The following CHRM3 variants were observed in gnomAD, a reference collection of about 807,000 sequenced individuals.
CHRM3 encodes cholinergic receptor muscarinic 3, also known as muscarinic acetylcholine receptor M3.
A neutral mutation model predicts 41.8 loss-of-function variants in CHRM3; 11 were observed. The ratio of observed to expected loss-of-function variants is 0.26; its 90% CI spans 0.17 to 0.44. The LOEUF (loss-of-function observed/expected upper bound fraction) is 0.44, where lower values mean the gene tolerates loss of function less well. Among genes scored for constraint, CHRM3 ranks in the 20% least tolerant of loss-of-function variants. CHRM3 has a pLI of 1.00. For synonymous variants in CHRM3, 297 were observed against 301.4 expected (o/e 0.99, Z 0.15); for missense variants, 571 against 745.4 (o/e 0.77, Z 2.72).
intron 1 of CHRM3, among the ~76,000 whole-genome samples, chr1:239,461,761 C>T (rs61834720): frequency 0.042 from 6,315 of 152,018 alleles, 208 homozygotes; most frequent in African/African-American, 0.089. Context: ...TCTACCTGTT[C>T]CTCACCACCG....
chr1:239,490,658 C>T (rs1161652738), intron 1 of CHRM3, among the ~76,000 whole-genome samples: 2 of 152,096 alleles, frequency 1.3e-5, no homozygotes, highest in African/African-American at 4.8e-5. Context: ...AACTACTGGC[C>T]TCAAGCAATC....
rs200818108 is a variant in CHRM3 at position 239,438,564 on chromosome 1, T to A, written c.-521+51337T>A. 2.2e-4 allele frequency among the ~76,000 whole-genome samples: 34 copies of A among 152,334 alleles called. No individual in the cohort carries two copies. The East Asian group carries it at 6.2e-3, about 28-fold the overall frequency. ...CGTATGATCTCCTTCTTGTAGATTA[T>A]CCTCATGATATGGAGCATAGTGAAT... On this transcript the variant is annotated intron_variant, in intron 1 of 6. Coordinates refer to ENST00000676153, the MANE Select transcript of CHRM3 (RefSeq NM_001375978.1).
chr1:239,698,147 A>G (rs1003212739), intron 5 of CHRM3, among the ~76,000 whole-genome samples: 1 of 152,212 alleles, frequency 6.6e-6, no homozygotes, highest in African/African-American at 2.4e-5. Context: ...AAAAACAGGC[A>G]TTAAAAGGTA....
chr1:239,640,868 T>C (rs1425734455), intron 4 of CHRM3, among the ~76,000 whole-genome samples: 1 of 148,438 alleles, frequency 6.7e-6, no homozygotes, highest in Non-Finnish European at 1.5e-5. Flanking sequence ...AGGGTGTCAA[T>C]TTTGGATCTT....
intron 3 of CHRM3, among the ~76,000 whole-genome samples, chr1:239,569,763 T>C (rs1337244429): frequency 6.6e-6 from 1 of 152,192 alleles, no homozygotes; most frequent in Non-Finnish European, 1.5e-5. Context: ...ATGGCAAAGC[T>C]GGACTGGGTC....
chr1:239,710,535 G>A (rs1027878299), intron 5 of CHRM3, among the ~76,000 whole-genome samples: 3 of 152,064 alleles, frequency 2.0e-5, no homozygotes, highest in African/African-American at 7.2e-5. Flanking sequence ...ATATGAGCAG[G>A]AGGGTATGAG....
chr1:239,812,968 A>G (rs1671232626), intron 5 of CHRM3, among the ~76,000 whole-genome samples: 1 of 152,172 alleles, frequency 6.6e-6, no homozygotes. Flanking sequence ...AGCTGGTTCC[A>G]TGAAACTTCC....
intron 2 of CHRM3, among the ~76,000 whole-genome samples, chr1:239,493,520 G>A (rs1036702633): frequency 6.6e-6 from 1 of 152,056 alleles, no homozygotes; most frequent in Non-Finnish European, 1.5e-5. Context: ...TATTTATATT[G>A]TTTCTTGAAA....
chr1:239,856,433 G>GCT (rs1171576002), intron 6 of CHRM3, among the ~76,000 whole-genome samples: 1 of 151,854 alleles, frequency 6.6e-6, no homozygotes, highest in East Asian at 1.9e-4. Flanking sequence ...CCCTTTTCAT[G>GCT]CTCTCTCTCT....
chr1:239,651,991 T>G (rs1023375127), intron 4 of CHRM3, among the ~76,000 whole-genome samples: 17 of 151,350 alleles, frequency 1.1e-4, no homozygotes, highest in African/African-American at 2.4e-4. Flanking sequence ...TTTTGTTTTT[T>G]TTTTTTTTTT....
Position 239,530,977 on chromosome 1 carries a change from T to C in CHRM3, c.-421-14664T>C, listed in dbSNP as rs143207451. 6.6e-3 allele frequency among the ~76,000 whole-genome samples: 1,011 copies of C among 152,040 alleles called. 15 individuals carry two copies. The highest frequency in any genetic ancestry group is 0.023 in the African/African-American group (943 of 41,470). On this transcript the variant is annotated intron_variant, in intron 2 of 6. Transcript: ENST00000676153. ...ATATCAATCTACATATTCAAGAAGC[T>C]CAACGAACTGCAAGTCAGAGAAACA... is the stretch of plus-strand genomic sequence containing the variant.
At chr1:239,465,466 A>T (rs1021734383) in intron 1 of CHRM3, among the ~76,000 whole-genome samples, 3 of 152,224 alleles carry the variant, frequency 2.0e-5, no homozygotes, top group African/African-American at 4.8e-5. Flanking sequence ...ATTCCTCCAT[A>T]GGCAGAGCAG....
intron 5 of CHRM3, among the ~76,000 whole-genome samples, chr1:239,772,122 A>G (rs1401773488): frequency 6.6e-6 from 1 of 152,170 alleles, no homozygotes; most frequent in Non-Finnish European, 1.5e-5. Context: ...GAAGACAAAG[A>G]AAGAAACTTT....
intron 5 of CHRM3, among the ~76,000 whole-genome samples, chr1:239,682,135 C>T (rs1658629985): frequency 6.6e-6 from 1 of 152,156 alleles, no homozygotes. Flanking sequence ...AACATACACA[C>T]ACTGAGCATC....
At chr1:239,400,919 T>A (rs1193988612) in intron 1 of CHRM3, among the ~76,000 whole-genome samples, 1 of 152,186 alleles carries the variant, frequency 6.6e-6, no homozygotes, top group Non-Finnish European at 1.5e-5. Flanking sequence ...CTGAGGACTT[T>A]CCTCAGCTTA....
At chr1:239,624,350 GT>G (rs980438585) in intron 3 of CHRM3, among the ~76,000 whole-genome samples, 9 of 55,204 alleles carry the variant, frequency 1.6e-4, no homozygotes, top group Middle Eastern at 6.3e-3. Context: ...GGGGTTGTTT[GT>G]TTTTTTCTTG....
chr1:239,530,145 T>C (rs922852876), intron 2 of CHRM3, among the ~76,000 whole-genome samples: 6 of 152,248 alleles, frequency 3.9e-5, no homozygotes, highest in East Asian at 1.9e-4. Flanking sequence ...CCTTGTGATC[T>C]GCCCGCCTCG....
At chr1:239,604,404 T>G (rs979545939) in intron 3 of CHRM3, among the ~76,000 whole-genome samples, 2 of 152,206 alleles carry the variant, frequency 1.3e-5, no homozygotes, top group African/African-American at 4.8e-5. Flanking sequence ...TTATGCTTCC[T>G]GGGCTAGATA....
chr1:239,680,823 G>T (rs745586882), intron 5 of CHRM3, among the ~76,000 whole-genome samples: 1 of 151,940 alleles, frequency 6.6e-6, no homozygotes, highest in Non-Finnish European at 1.5e-5. Flanking sequence ...TTTGAACTGC[G>T]GAGGAGACTT....
Sources: allele counts gnomAD v4.1 joint callset (sites outside exome capture counted in the v4.1 genomes callset), GRCh38; gene constraint gnomAD v4.1.1; transcripts MANE v1.5; gene names NCBI Gene and HGNC (gene_info 2026-07-23, HGNC 2026-07-21).